PHF14: variants seen among roughly 807,000 people sequenced by gnomAD.
The protein encoded by PHF14 is PHD finger protein 14.
Under a neutral mutation model 117.9 loss-of-function variants are expected in PHF14, and 55 were observed. The observed-to-expected ratio is 0.47, with a 90% CI of 0.38 to 0.58. PHF14 has a LOEUF of 0.58. Among genes scored for constraint, PHF14 ranks in the 20% least tolerant of loss-of-function variants. The pLI is 0.00. For missense variants in PHF14, 978 were observed against 1,122.2 expected (o/e 0.87, Z 1.84); for synonymous variants, 409 against 368.6 (o/e 1.11, Z -1.26).
intron 17 of PHF14, among the ~76,000 whole-genome samples, chr7:11,154,554 C>T (rs1011803820): frequency 6.6e-6 from 1 of 152,036 alleles, no homozygotes; most frequent in Non-Finnish European, 1.5e-5. Flanking sequence ...ATAGTCCTAC[C>T]TAGACCTATA....
chr7:11,152,852 T>C (rs1483413907), intron 17 of PHF14, among the ~76,000 whole-genome samples: 2 of 152,132 alleles, frequency 1.3e-5, no homozygotes, highest in East Asian at 3.8e-4. Flanking sequence ...AAATGAGCCA[T>C]ACAAAATAAA....
intron 16 of PHF14, chr7:11,108,815 C>A (rs1787351458): frequency 6.6e-6 from 1 of 151,664 alleles, no homozygotes; most frequent in Admixed American, 6.6e-5. Flanking sequence ...TATTTATGTA[C>A]ATTAAGGTGA....
In PHF14 at chr7:10,974,182, C is replaced by G. The variant is rs1408820994; in HGVS notation, c.-142C>G. ...ACCGCGGGGCTACTCTTGGGAGCGC[C>G]CCTGTCCGGCTGGCTGCGCGCCGGT... On this transcript the variant is annotated 5_prime_UTR_variant, in exon 1 of 18. Transcript: ENST00000634607. 1.4e-6 allele frequency: 1 copy of G among 733,026 alleles called. No individual in the cohort carries two copies. Among genetic ancestry groups the G allele is most frequent in the African/African-American group, 1.7e-5 (1 of 57,468 alleles). 45.4% of individuals were successfully genotyped at this position (733,026 alleles called of 1,614,324 possible). A position where few individuals can be genotyped will look rare whatever the true frequency, so the allele number is the denominator to read the frequency against.
chr7:11,128,314 T>C (rs1445699600), intron 17 of PHF14, among the ~76,000 whole-genome samples: 1 of 152,068 alleles, frequency 6.6e-6, no homozygotes, highest in Non-Finnish European at 1.5e-5. Context: ...TTGTCTCTTA[T>C]TTTCACTGAG....
At chr7:11,122,064 A>G (rs781729912) in intron 17 of PHF14, among the ~76,000 whole-genome samples, 9 of 150,990 alleles carry the variant, frequency 6.0e-5, no homozygotes, top group Non-Finnish European at 8.8e-5. Context: ...CCCTGTGTCC[A>G]TGTGTTCTCA....
intron 16 of PHF14, among the ~76,000 whole-genome samples, chr7:11,086,895 TG>T (rs1302890675): frequency 6.6e-6 from 1 of 152,150 alleles, no homozygotes; most frequent in Non-Finnish European, 1.5e-5. Context: ...TTAGTCCTCT[TG>T]GGTTTCTATG....
chr7:11,154,105 G>T lies in PHF14; in HGVS notation c.2773-15311G>T, dbSNP rs545267468. ...CAAACACATTTGAAAGAAACTAATG[G>T]ATTTAACCAGGTTATTTATATGGAA... is the stretch of plus-strand genomic sequence containing the variant. On this transcript the variant is annotated intron_variant, in intron 17 of 17. Coordinates refer to ENST00000634607, the MANE Select transcript of PHF14 (RefSeq NM_001007157.2). Among the ~76,000 whole-genome samples, 12 of 152,138 alleles carry T rather than the reference G, an allele frequency of 7.9e-5. No homozygotes were observed. The East Asian group carries it at 2.3e-3, about 29-fold the overall frequency.
In PHF14 at chr7:10,979,739, T is replaced by C. The variant is rs1421259555; in HGVS notation, c.113-2633T>C. Among the ~76,000 whole-genome samples the C allele has an allele frequency of 6.6e-5, 10 of 152,088 alleles. No homozygotes were observed. In the East Asian group the frequency reaches 1.9e-3, roughly 29 times the overall value. ...CCAGTGCATATGTACAAAAAAGAAATAGTGACTAATTAGATGAAGAAGTTA... is the reference window on the plus strand; with the variant it reads ...CCAGTGCATATGTACAAAAAAGAAACAGTGACTAATTAGATGAAGAAGTTA... On this transcript the variant is annotated intron_variant, in intron 2 of 17. Coordinates refer to ENST00000634607, the MANE Select transcript of PHF14 (RefSeq NM_001007157.2).
At chr7:10,989,653 CAG>C (rs1782373696) in intron 3 of PHF14, among the ~76,000 whole-genome samples, 2 of 152,086 alleles carry the variant, frequency 1.3e-5, no homozygotes, top group African/African-American at 4.8e-5. Flanking sequence ...CTTTTTGAGA[CAG>C]GGTCTTGTGC....
At chr7:11,114,099 A>T (rs2128344077) in intron 17 of PHF14, among the ~76,000 whole-genome samples, 1 of 152,268 alleles carries the variant, frequency 6.6e-6, no homozygotes. Flanking sequence ...AAAGGAAGTA[A>T]TCAATTGCAA....
intron 17 of PHF14, among the ~76,000 whole-genome samples, chr7:11,131,458 T>C (rs1412057441): frequency 6.6e-6 from 1 of 151,984 alleles, no homozygotes; most frequent in African/African-American, 2.4e-5. Flanking sequence ...TTTTATGAGA[T>C]ACCTATTCAG....
chr7:11,143,841 T>TA (rs1223390152), intron 17 of PHF14, among the ~76,000 whole-genome samples: 1 of 151,930 alleles, frequency 6.6e-6, no homozygotes, highest in Non-Finnish European at 1.5e-5. Context: ...AAGGTGCTCT[T>TA]AAAACAGGTA....
chr7:11,038,068 T>C (rs1161597161), intron 10 of PHF14, among the ~76,000 whole-genome samples: 1 of 152,142 alleles, frequency 6.6e-6, no homozygotes, highest in African/African-American at 2.4e-5. Flanking sequence ...CAAATACTGC[T>C]GAATAATTGG....
intron 4 of PHF14, among the ~76,000 whole-genome samples, chr7:10,995,719 C>T (rs1233075206): frequency 6.6e-6 from 1 of 152,164 alleles, no homozygotes; most frequent in South Asian, 2.1e-4. Context: ...TGAGGCCCGG[C>T]GAGAATTTGA....
intron 17 of PHF14, among the ~76,000 whole-genome samples, chr7:11,144,492 A>AC (rs1020677553): frequency 2.7e-5 from 4 of 150,856 alleles, no homozygotes; most frequent in African/African-American, 9.7e-5. Context: ...AGATACCTAC[A>AC]CCCCCATGCT....
intron 14 of PHF14, among the ~76,000 whole-genome samples, chr7:11,053,566 T>C (rs1166445569): frequency 6.6e-6 from 1 of 152,082 alleles, no homozygotes; most frequent in Non-Finnish European, 1.5e-5. Context: ...TATTACTTCG[T>C]ATGTCTGTCT....
intron 2 of PHF14, among the ~76,000 whole-genome samples, chr7:10,979,279 G>C (rs1426623234): frequency 6.6e-6 from 1 of 151,612 alleles, no homozygotes. Flanking sequence ...TTTTTGTCTG[G>C]CCATTACCAC....
At chr7:11,154,910 T>G (rs938897140) in intron 17 of PHF14, among the ~76,000 whole-genome samples, 1 of 152,092 alleles carries the variant, frequency 6.6e-6, no homozygotes, top group African/African-American at 2.4e-5. Context: ...ATCAAGAAAT[T>G]AGAGTGACAT....
chr7:11,101,186 C>G (rs1380664793), intron 16 of PHF14, among the ~76,000 whole-genome samples: 1 of 151,864 alleles, frequency 6.6e-6, no homozygotes, highest in Non-Finnish European at 1.5e-5. Flanking sequence ...TTTTATCAAA[C>G]TTATCAACTT....
Sources: gnomAD v4.1 joint callset for allele counts (sites outside exome capture counted in the v4.1 genomes callset) on GRCh38, gnomAD v4.1.1 for gene constraint, MANE v1.5 for transcripts, NCBI Gene and HGNC (gene_info 2026-07-23, HGNC 2026-07-21) for gene names.